LYN: variants seen among roughly 807,000 people sequenced by gnomAD.
LYN encodes LYN proto-oncogene, Src family tyrosine kinase.
Under a neutral mutation model 65.0 loss-of-function variants are expected in LYN, and 12 were observed. That is an observed-to-expected ratio of 0.18 (90% CI 0.12 to 0.30). The LOEUF (loss-of-function observed/expected upper bound fraction) is 0.30, where lower values mean the gene tolerates loss of function less well. Ranked by LOEUF, LYN falls within the 10% of genes least tolerant of loss-of-function variation. The probability of loss-of-function intolerance (pLI) is 1.00; values close to 1 mark genes in which losing one functional copy is unlikely to be tolerated. For synonymous variants in LYN, 222 were observed against 221.2 expected (o/e 1.00, Z -0.03); for missense variants, 380 against 623.2 (o/e 0.61, Z 4.16).
At chr8:55,985,518 G>A (rs1384587688) in intron 10 of LYN, among the ~76,000 whole-genome samples, 2 of 152,196 alleles carry the variant, frequency 1.3e-5, no homozygotes, top group Non-Finnish European at 2.9e-5. Flanking sequence ...TTTGTCACAG[G>A]ACAAATAAGT....
chr8:56,009,154 A>G (rs1426668081), intron 12 of LYN, among the ~76,000 whole-genome samples: 1 of 152,250 alleles, frequency 6.6e-6, no homozygotes, highest in Non-Finnish European at 1.5e-5. Flanking sequence ...TTTCATAAAT[A>G]TACTACAAGT....
chr8:55,895,299 G>T (rs1024577696), intron 1 of LYN, among the ~76,000 whole-genome samples: 2 of 152,280 alleles, frequency 1.3e-5, no homozygotes, highest in Admixed American at 1.3e-4. Context: ...GTTTCCAAGT[G>T]AAGAAGTGAG....
chr8:55,949,515 C>G (rs1195152661), intron 4 of LYN, among the ~76,000 whole-genome samples: 4 of 152,194 alleles, frequency 2.6e-5, no homozygotes, highest in East Asian at 3.8e-4. Context: ...GAGACAATTG[C>G]TATTGTAGCT....
intron 1 of LYN, among the ~76,000 whole-genome samples, chr8:55,914,642 A>G (rs144825104): frequency 6.6e-6 from 1 of 152,324 alleles, no homozygotes; most frequent in African/African-American, 2.4e-5. Flanking sequence ...TCCAGATAAC[A>G]GAATGGCCAT....
At chr8:55,882,532 T>C (rs1339853969) in intron 1 of LYN, among the ~76,000 whole-genome samples, 1 of 152,226 alleles carries the variant, frequency 6.6e-6, no homozygotes. Context: ...AACATTGTTA[T>C]AAGCTCACTC....
chr8:55,971,215 C>T (rs1222103606), intron 10 of LYN, among the ~76,000 whole-genome samples: 3 of 152,198 alleles, frequency 2.0e-5, no homozygotes, highest in Non-Finnish European at 4.4e-5. Flanking sequence ...ACCCAGCAGC[C>T]CTGCCTTTTT....
intron 8 of LYN, among the ~76,000 whole-genome samples, chr8:55,966,393 A>G (rs1807460031): frequency 6.7e-6 from 1 of 149,370 alleles, no homozygotes; most frequent in African/African-American, 2.5e-5. Flanking sequence ...ATTGAGACGG[A>G]GTCGCACTCT....
At chr8:55,969,509 T>C (rs563060020) in intron 9 of LYN, among the ~76,000 whole-genome samples, 1 of 152,336 alleles carries the variant, frequency 6.6e-6, no homozygotes, top group African/African-American at 2.4e-5. Context: ...CTGGAGCACA[T>C]GCCATGTTTC....
intron 1 of LYN, among the ~76,000 whole-genome samples, chr8:55,909,101 C>G (rs1233219772): frequency 6.7e-6 from 1 of 150,278 alleles, no homozygotes; most frequent in African/African-American, 2.5e-5. Context: ...ATTTCAAACA[C>G]TAGTGTCAAG....
intron 1 of LYN, among the ~76,000 whole-genome samples, chr8:55,914,090 G>T (rs1011077221): frequency 1.3e-5 from 2 of 151,984 alleles, no homozygotes; most frequent in Admixed American, 1.3e-4. Context: ...GAGGTGGAGG[G>T]TTGTTGTTGG....
chr8:55,975,788 A>G (rs1408443639), intron 10 of LYN, among the ~76,000 whole-genome samples: 1 of 149,416 alleles, frequency 6.7e-6, no homozygotes, highest in Non-Finnish European at 1.5e-5. Flanking sequence ...TAAAAATAGT[A>G]TAAAACAGGA....
intron 1 of LYN, among the ~76,000 whole-genome samples, chr8:55,889,104 A>C (rs1278644530): frequency 2.0e-5 from 3 of 151,958 alleles, no homozygotes; most frequent in Non-Finnish European, 2.9e-5. Context: ...TGCAACCTCC[A>C]CCTCCCAGGC....
rs551618817 is a variant in LYN, at chr8:55,934,195, C to T, written c.-5-7660C>T. Among the ~76,000 whole-genome samples, 59 of 152,176 alleles carry T rather than the reference C, an allele frequency of 3.9e-4. 1 individual carries two copies. The South Asian group carries it at 0.011, about 28-fold the overall frequency. On this transcript the variant is annotated intron_variant, in intron 1 of 12. Coordinates refer to ENST00000519728, the MANE Select transcript of LYN (RefSeq NM_002350.4). ...GAGCCGAGATTGTGCCATTGCACTC[C>T]AGCCTGGGCGACAGAGCGAGATCCG...
rs1251929051 is a variant in LYN at position 55,953,896 on chromosome 8, A to G, written c.702A>G (p.Pro234=). The G allele has an allele frequency of 1.9e-6, 3 of 1,614,002 alleles. No homozygotes were observed. In the African/African-American group the frequency reaches 4.0e-5, roughly 22 times the overall value. ...GTATTAGTCCCAAGCCACAGAAGCCATGGGATAAAGATGCCTGGGAGATCC... is the reference window on the plus strand; with the variant it reads ...GTATTAGTCCCAAGCCACAGAAGCCGTGGGATAAAGATGCCTGGGAGATCC... ...KACISPKPQK[P]WDKDAWEIPR... The change falls in exon 8 of 13, where the codon CCA becomes CCG. Residue 234 remains proline, a synonymous_variant. Coordinates refer to ENST00000519728, the MANE Select transcript of LYN (RefSeq NM_002350.4).
intron 10 of LYN, among the ~76,000 whole-genome samples, chr8:55,986,392 T>A (rs749472116): frequency 6.6e-6 from 1 of 152,214 alleles, no homozygotes; most frequent in Non-Finnish European, 1.5e-5. Context: ...CAGTGAGTTT[T>A]GAAATATCTA....
chr8:55,988,880 GAA>G (rs561858676), intron 10 of LYN, among the ~76,000 whole-genome samples: 1 of 142,248 alleles, frequency 7.0e-6, no homozygotes. Flanking sequence ...TCATTAAAGT[GAA>G]AAAAAAAAAC....
rs188373579 is a variant in LYN, at chr8:56,004,015, C to T, written c.1336+4466C>T. 6.4e-3 allele frequency among the ~76,000 whole-genome samples: 955 copies of T among 149,862 alleles called. 11 individuals carry two copies. The highest frequency in any genetic ancestry group is 0.022 in the African/African-American group (915 of 40,826). On this transcript the variant is annotated intron_variant, in intron 12 of 12. Transcript: ENST00000519728. ...TGGCGCCATCTCACCTCACTGCAAC[C>T]TCCTCCTTCTGAGTTCAAGCGATTC...
Position 55,932,643 on chromosome 8 carries a change from A to G in LYN, c.-5-9212A>G, listed in dbSNP as rs576072047. Among the ~76,000 whole-genome samples the G allele has an allele frequency of 1.6e-4, 24 of 152,232 alleles. No individual in the cohort carries two copies. The South Asian group carries it at 4.8e-3, about 30-fold the overall frequency. ...GCCATGTTGGCCAGGCTGGTCTCGA[A>G]CTCCTAACCTCAGGTGATCCTCCTG... On this transcript the variant is annotated intron_variant, in intron 1 of 12. Transcript: ENST00000519728.
At chr8:55,997,159 C>CAAA (rs11412762) in intron 10 of LYN, among the ~76,000 whole-genome samples, 1 of 100,496 alleles carries the variant, frequency 1.0e-5, no homozygotes, top group African/African-American at 3.4e-5. Flanking sequence ...GAGACTGTCT[C>CAAA]AAAAAAAAAA....
Sources: gnomAD v4.1 joint callset for allele counts (sites outside exome capture counted in the v4.1 genomes callset) on GRCh38, gnomAD v4.1.1 for gene constraint, MANE v1.5 for transcripts, NCBI Gene and HGNC (gene_info 2026-07-23, HGNC 2026-07-21) for gene names.